The following TNR variants were observed in gnomAD, a reference collection of about 807,000 sequenced individuals.
The protein encoded by TNR is tenascin-R.
TNR carries 45 observed loss-of-function variants against 150.4 expected under a neutral mutation model. The observed-to-expected ratio is 0.30, with a 90% confidence interval of 0.24 to 0.38. TNR has a LOEUF of 0.38. TNR is among the 10% of genes least tolerant of loss of function. The pLI, the probability that TNR is intolerant of heterozygous loss-of-function variation, is 1.00. For missense variants in TNR, 1,544 were observed against 1,759.1 expected (o/e 0.88, Z 2.19); for synonymous variants, 687 against 678.4 (o/e 1.01, Z -0.20).
At chr1:175,661,450 G>A (rs1208888534) in intron 1 of TNR, among the ~76,000 whole-genome samples, 1 of 152,152 alleles carries the variant, frequency 6.6e-6, no homozygotes, top group Non-Finnish European at 1.5e-5. Context: ...AGCACTTCTG[G>A]CAGGAACATC....
In TNR at chr1:175,722,775, T is replaced by TTATATATA. The variant is rs147425200; in HGVS notation, c.-165+20443_-165+20450dup. ...AGCCACTGTGCCTGGCCTATTTTTG[T>TTATATATA]TATATATATATATAGTTGCTTCCCC... On this transcript the variant is annotated intron_variant, in intron 1 of 22. Transcript: ENST00000367674. 2.8e-3 allele frequency among the ~76,000 whole-genome samples: 412 copies of TTATATATA among 148,364 alleles called. 2 individuals carry two copies. Among genetic ancestry groups the TTATATATA allele is most frequent in the African/African-American group, 9.6e-3 (387 of 40,172 alleles).
At chr1:175,438,175 C>T (rs1387358130) in intron 2 of TNR, among the ~76,000 whole-genome samples, 1 of 152,156 alleles carries the variant, frequency 6.6e-6, no homozygotes, top group Non-Finnish European at 1.5e-5. Context: ...GAAAGCTTAT[C>T]CACCATAATC....
intron 1 of TNR, among the ~76,000 whole-genome samples, chr1:175,557,655 C>A (rs1571604262): frequency 1.3e-5 from 2 of 150,802 alleles, no homozygotes; most frequent in East Asian, 3.9e-4. Flanking sequence ...GAAATAGGAA[C>A]ACTTTTACAC....
chr1:175,685,234 C>T (rs1666154176), intron 1 of TNR, among the ~76,000 whole-genome samples: 1 of 152,140 alleles, frequency 6.6e-6, no homozygotes, highest in Non-Finnish European at 1.5e-5. Context: ...TTCAGGCTTG[C>T]TTTTTCCTAA....
intron 1 of TNR, among the ~76,000 whole-genome samples, chr1:175,612,330 G>T (rs1051882672): frequency 6.6e-6 from 1 of 152,208 alleles, no homozygotes; most frequent in African/African-American, 2.4e-5. Context: ...GACCCATGTG[G>T]TTTTGCTGGG....
At chr1:175,605,543 T>C (rs1663379200) in intron 1 of TNR, among the ~76,000 whole-genome samples, 3 of 152,170 alleles carry the variant, frequency 2.0e-5, no homozygotes, top group Admixed American at 2.0e-4. Context: ...GCCAGTGAAA[T>C]AGATAAGCAA....
intron 1 of TNR, among the ~76,000 whole-genome samples, chr1:175,645,242 A>T (rs1042655942): frequency 6.6e-6 from 1 of 152,238 alleles, no homozygotes; most frequent in Non-Finnish European, 1.5e-5. Flanking sequence ...TAAAACACAT[A>T]TATACATTAA....
At chr1:175,549,988 T>C (rs75093439) in intron 1 of TNR, among the ~76,000 whole-genome samples, 3,021 of 152,298 alleles carry the variant, frequency 0.02, 41 homozygotes, top group Non-Finnish European at 0.03. Flanking sequence ...TTGTGATAAT[T>C]TGTTGTGCAG....
At chr1:175,566,832 C>G (rs1276095187) in intron 1 of TNR, among the ~76,000 whole-genome samples, 1 of 152,136 alleles carries the variant, frequency 6.6e-6, no homozygotes, top group Non-Finnish European at 1.5e-5. Context: ...TTTTTGTCCA[C>G]AAGGAGAAAA....
At chr1:175,739,232 T>C (rs1271576242) in intron 1 of TNR, among the ~76,000 whole-genome samples, 1 of 152,122 alleles carries the variant, frequency 6.6e-6, no homozygotes, top group African/African-American at 2.4e-5. Context: ...GCAGAGGACA[T>C]CAGCAACCTC....
chr1:175,451,559 A>G (rs547388507), intron 2 of TNR, among the ~76,000 whole-genome samples: 1 of 149,780 alleles, frequency 6.7e-6, no homozygotes, highest in South Asian at 2.2e-4. Flanking sequence ...CATCTCTCCA[A>G]TAGGGGATTT....
intron 1 of TNR, among the ~76,000 whole-genome samples, chr1:175,605,264 T>C (rs771831866): frequency 6.6e-6 from 1 of 152,226 alleles, no homozygotes; most frequent in African/African-American, 2.4e-5. Context: ...TTATTTAACC[T>C]TTCCAAAAAT....
At chr1:175,680,085 C>G (rs1665983747) in intron 1 of TNR, among the ~76,000 whole-genome samples, 2 of 152,316 alleles carry the variant, frequency 1.3e-5, no homozygotes, top group Middle Eastern at 3.4e-3. Context: ...AACAACCACC[C>G]AGCTGCTCCA....
intron 14 of TNR, among the ~76,000 whole-genome samples, chr1:175,360,946 G>A (rs557816383): frequency 6.6e-6 from 1 of 152,316 alleles, no homozygotes; most frequent in Non-Finnish European, 1.5e-5. Flanking sequence ...TCTAGTTATT[G>A]GAAGTTGCTA....
At chr1:175,553,817 A>ACACACAC (rs1553238669) in intron 1 of TNR, among the ~76,000 whole-genome samples, 7,663 of 145,416 alleles carry the variant, frequency 0.053, 231 homozygotes, top group African/African-American at 0.065. Flanking sequence ...TACAAGAACA[A>ACACACAC]ACACACACAC....
At chr1:175,646,237 C>A (rs545864088) in intron 1 of TNR, among the ~76,000 whole-genome samples, 42 of 152,294 alleles carry the variant, frequency 2.8e-4, no homozygotes, top group African/African-American at 9.9e-4. Context: ...GGTAGTCACT[C>A]TGAAAATGTT....
At chr1:175,659,771 A>G (rs1400667870) in intron 1 of TNR, among the ~76,000 whole-genome samples, 1 of 152,178 alleles carries the variant, frequency 6.6e-6, no homozygotes, top group Non-Finnish European at 1.5e-5. Flanking sequence ...CAGAGACCAC[A>G]GCTGCAAAGC....
intron 22 of TNR, among the ~76,000 whole-genome samples, chr1:175,324,022 C>T (rs980183189): frequency 6.6e-6 from 1 of 152,140 alleles, no homozygotes; most frequent in South Asian, 2.1e-4. Flanking sequence ...CCAGTTCACA[C>T]TGGTATTTTC....
intron 9 of TNR, among the ~76,000 whole-genome samples, chr1:175,371,812 C>G (rs1168469667): frequency 1.3e-5 from 2 of 152,216 alleles, no homozygotes; most frequent in East Asian, 1.9e-4. Context: ...TTGTTATTTT[C>G]TGACTCATGA....
Sources: allele counts gnomAD v4.1 joint callset (sites outside exome capture counted in the v4.1 genomes callset), GRCh38; gene constraint gnomAD v4.1.1; transcripts MANE v1.5; gene names NCBI Gene and HGNC (gene_info 2026-07-23, HGNC 2026-07-21).